The following DDX10 variants were observed in gnomAD, a reference collection of about 807,000 sequenced individuals.
DDX10 encodes DEAD-box helicase 10.
DDX10 carries 74 observed loss-of-function variants against 104.3 expected under a neutral mutation model. The observed-to-expected ratio is 0.71, with a 90% CI of 0.59 to 0.86. The LOEUF is 0.86. DDX10 is among the 40% of genes least tolerant of loss of function. DDX10 has a pLI of 0.00. For synonymous variants in DDX10, 351 were observed against 353.4 expected (o/e 0.99, Z 0.08); for missense variants, 952 against 1,040.0 (o/e 0.92, Z 1.16).
intron 10 of DDX10, among the ~76,000 whole-genome samples, chr11:108,713,010 G>C (rs1318922139): frequency 6.6e-6 from 1 of 152,026 alleles, no homozygotes; most frequent in African/African-American, 2.4e-5. Flanking sequence ...TTGCTTGCAT[G>C]GTGTCTGAGA....
intron 16 of DDX10, among the ~76,000 whole-genome samples, chr11:108,905,719 C>T (rs1732178775): frequency 6.6e-6 from 1 of 152,048 alleles, no homozygotes; most frequent in Non-Finnish European, 1.5e-5. Context: ...GAGATTCATC[C>T]ACTGTATTAG....
chr11:108,703,622 T>G (rs1210667079), intron 9 of DDX10, among the ~76,000 whole-genome samples: 2 of 152,150 alleles, frequency 1.3e-5, no homozygotes, highest in South Asian at 2.1e-4. Flanking sequence ...GCCACCGCGC[T>G]TGGCCTAAAG....
intron 16 of DDX10, among the ~76,000 whole-genome samples, chr11:108,913,490 C>CT (rs1863707001): frequency 6.6e-6 from 1 of 152,108 alleles, no homozygotes; most frequent in Non-Finnish European, 1.5e-5. Flanking sequence ...AGAGGGATGA[C>CT]TTTGAGTTCT....
intron 15 of DDX10, among the ~76,000 whole-genome samples, chr11:108,844,368 A>T (rs1325704778): frequency 6.6e-6 from 1 of 152,232 alleles, no homozygotes; most frequent in Non-Finnish European, 1.5e-5. Context: ...TGGTAAACAC[A>T]CATATGTATT....
intron 17 of DDX10, among the ~76,000 whole-genome samples, chr11:108,928,352 A>C (rs1450038821): frequency 6.6e-6 from 1 of 152,202 alleles, no homozygotes; most frequent in South Asian, 2.1e-4. Context: ...GTGTTCTCAG[A>C]AGCATCTGTT....
chr11:108,781,139 A>G (rs1355155113), intron 13 of DDX10, among the ~76,000 whole-genome samples: 2 of 152,112 alleles, frequency 1.3e-5, no homozygotes, highest in South Asian at 2.1e-4. Flanking sequence ...GCTCCCACTT[A>G]TAAGTGAGAA....
At chr11:108,692,522 C>G (rs926765020) in intron 8 of DDX10, among the ~76,000 whole-genome samples, 2 of 151,954 alleles carry the variant, frequency 1.3e-5, no homozygotes, top group African/African-American at 2.4e-5. Context: ...CGGGGATGGA[C>G]GTAACTAGAG....
chr11:108,696,339 C>T (rs1409787419), intron 9 of DDX10, among the ~76,000 whole-genome samples: 1 of 151,874 alleles, frequency 6.6e-6, no homozygotes, highest in Non-Finnish European at 1.5e-5. Context: ...ACCACACCTG[C>T]CTAATTTTTG....
chr11:108,873,988 C>A (rs1863116940), intron 16 of DDX10, among the ~76,000 whole-genome samples: 1 of 152,080 alleles, frequency 6.6e-6, no homozygotes, highest in Middle Eastern at 3.2e-3. Flanking sequence ...TGTCGCTAAC[C>A]AAGTAGCTAC....
intron 17 of DDX10, among the ~76,000 whole-genome samples, chr11:108,928,710 G>C (rs975018182): frequency 1.3e-5 from 2 of 152,142 alleles, no homozygotes; most frequent in African/African-American, 4.8e-5. Flanking sequence ...ACCTTGCAAA[G>C]TTACTGTGAA....
intron 16 of DDX10, among the ~76,000 whole-genome samples, chr11:108,907,104 C>A (rs529993610): frequency 1.3e-5 from 2 of 152,190 alleles, no homozygotes; most frequent in Admixed American, 6.5e-5. Flanking sequence ...GCCTGCCATT[C>A]TTAACTTTAT....
At chr11:108,723,608 T>A in intron 13 of DDX10, 146 bp downstream of exon 13, 2 of 767,078 alleles carry the variant, frequency 2.6e-6, no homozygotes, top group Non-Finnish European at 4.0e-6. Context: ...CCCCCATACT[T>A]AAACACAGAA....
chr11:108,922,243 C>CAA (rs3030537), intron 17 of DDX10: 3 of 79,348 alleles, frequency 3.8e-5, no homozygotes, highest in African/African-American at 1.1e-4. Flanking sequence ...GACTCCATCT[C>CAA]AAAAAAAAAA....
intron 10 of DDX10, among the ~76,000 whole-genome samples, chr11:108,712,359 C>G (rs1168621293): frequency 6.6e-6 from 1 of 151,762 alleles, no homozygotes; most frequent in African/African-American, 2.4e-5. Flanking sequence ...TGTTAGTTGC[C>G]CCTGTTATTC....
At chr11:108,913,271 G>A (rs1283046259) in intron 16 of DDX10, among the ~76,000 whole-genome samples, 1 of 151,982 alleles carries the variant, frequency 6.6e-6, no homozygotes, top group African/African-American at 2.4e-5. Context: ...CAGAAAGGCA[G>A]GACAACTCGA....
In DDX10 at chr11:108,723,127, G is replaced by C. The variant is rs369811280; in HGVS notation, c.1630G>C (p.Glu544Gln). The part of the protein sequence containing the change: ...EPRAPSLTND[E>Q]VEEFRAYFNE... ...AAGGGCTCCCTCCCTCACCAATGAC[G>C]AAGTGGAAGAATTTAGAGCCTACTT... The change falls in exon 13 of 18, where the codon GAA becomes CAA. Residue 544 changes from glutamate to glutamine, a missense_variant. Physicochemically the swap from Glu to Gln is conservative, Grantham distance 29. Transcript: ENST00000322536. The C allele has an allele frequency of 1.9e-6, 3 of 1,613,850 alleles. No homozygotes were observed. In the African/African-American group the frequency reaches 4.0e-5, roughly 22 times the overall value.
At chr11:108,710,598 C>T (rs2094283051) in intron 10 of DDX10, among the ~76,000 whole-genome samples, 1 of 152,046 alleles carries the variant, frequency 6.6e-6, no homozygotes. Flanking sequence ...ATGCCTCCTT[C>T]TTTAGTACTT....
intron 10 of DDX10, among the ~76,000 whole-genome samples, chr11:108,711,848 A>G (rs1041838032): frequency 1.3e-5 from 2 of 152,200 alleles, no homozygotes; most frequent in Admixed American, 1.3e-4. Context: ...GTTGAGTTCA[A>G]CTATGTTCTT....
intron 13 of DDX10, among the ~76,000 whole-genome samples, chr11:108,776,832 A>C (rs557031751): frequency 1.3e-5 from 2 of 152,222 alleles, no homozygotes; most frequent in Non-Finnish European, 2.9e-5. Flanking sequence ...ACAGCCAGCA[A>C]GAAAATGGGG....
Sources: gnomAD v4.1 joint callset for allele counts (sites outside exome capture counted in the v4.1 genomes callset) on GRCh38, gnomAD v4.1.1 for gene constraint, MANE v1.5 for transcripts, NCBI Gene and HGNC (gene_info 2026-07-23, HGNC 2026-07-21) for gene names.